The following KCNT2 variants were observed in gnomAD, a reference collection of about 807,000 sequenced individuals.
The protein encoded by KCNT2 is potassium sodium-activated channel subfamily T member 2, also known as potassium channel subfamily T member 2.
Under a neutral mutation model 153.8 loss-of-function variants are expected in KCNT2, and 67 were observed. The ratio of observed to expected loss-of-function variants is 0.44; its 90% CI spans 0.36 to 0.53. The LOEUF is 0.53. Ranked by LOEUF, KCNT2 falls within the 20% of genes least tolerant of loss-of-function variation. The pLI, the probability that KCNT2 is intolerant of heterozygous loss-of-function variation, is 0.00. For missense variants in KCNT2, 975 were observed against 1,354.8 expected, an observed-to-expected ratio of 0.72 and a Z score of 4.40; for synonymous variants, 500 against 458.8, an observed-to-expected ratio of 1.09 and a Z score of -1.15.
At chr1:196,356,191 A>G (rs1471967394) in intron 14 of KCNT2, among the ~76,000 whole-genome samples, 1 of 151,802 alleles carries the variant, frequency 6.6e-6, no homozygotes, top group Non-Finnish European at 1.5e-5. Flanking sequence ...AATTCTTACC[A>G]TAACTAAAAA....
chr1:196,448,385 T>G (rs1315129067), intron 8 of KCNT2, among the ~76,000 whole-genome samples: 1 of 151,558 alleles, frequency 6.6e-6, no homozygotes, highest in Non-Finnish European at 1.5e-5. Context: ...TATATAACAT[T>G]TCTGTATTAT....
At chr1:196,292,939 C>A (rs1351777767) in intron 22 of KCNT2, among the ~76,000 whole-genome samples, 8 of 150,656 alleles carry the variant, frequency 5.3e-5, no homozygotes, top group African/African-American at 2.0e-4. Context: ...ACAAATTCAG[C>A]AAAATCAACA....
intron 25 of KCNT2, among the ~76,000 whole-genome samples, chr1:196,272,285 T>C (rs985340057): frequency 4.0e-5 from 6 of 151,848 alleles, no homozygotes; most frequent in Admixed American, 2.0e-4. Flanking sequence ...CTACGGATTC[T>C]TTATCATGTG....
chr1:196,485,753 T>C (rs1316069177), intron 3 of KCNT2, among the ~76,000 whole-genome samples: 2 of 151,888 alleles, frequency 1.3e-5, no homozygotes, highest in Non-Finnish European at 2.9e-5. Flanking sequence ...GAAGGAAATG[T>C]ATATATTTTG....
chr1:196,435,140 T>C (rs541131625), intron 8 of KCNT2, among the ~76,000 whole-genome samples: 17 of 31,678 alleles, frequency 5.4e-4, no homozygotes, highest in Non-Finnish European at 9.7e-4. Flanking sequence ...TGTGTGTATG[T>C]ATATATATAT....
intron 25 of KCNT2, among the ~76,000 whole-genome samples, chr1:196,260,484 C>A (rs1216819407): frequency 4.6e-5 from 7 of 151,560 alleles, no homozygotes; most frequent in African/African-American, 7.3e-5. Context: ...ATTTTGAATA[C>A]CCCCAAGAGA....
intron 22 of KCNT2, among the ~76,000 whole-genome samples, chr1:196,291,829 A>G (rs1381061776): frequency 1.3e-5 from 2 of 152,156 alleles, no homozygotes; most frequent in African/African-American, 4.8e-5. Flanking sequence ...ACTGGCCAGA[A>G]TTTTTCACTT....
intron 13 of KCNT2, among the ~76,000 whole-genome samples, chr1:196,381,514 T>C (rs1669489997): frequency 6.6e-6 from 1 of 152,162 alleles, no homozygotes; most frequent in Non-Finnish European, 1.5e-5. Context: ...TATATTGTGT[T>C]AAGTAGTTTT....
intron 1 of KCNT2, among the ~76,000 whole-genome samples, chr1:196,591,201 G>C (rs996357239): frequency 6.6e-5 from 10 of 152,016 alleles, no homozygotes; most frequent in African/African-American, 2.4e-4. Context: ...CAAGAGAGTT[G>C]GTTGTTTAAA....
intron 1 of KCNT2, among the ~76,000 whole-genome samples, chr1:196,554,779 A>T (rs1360059239): frequency 3.3e-5 from 5 of 151,316 alleles, no homozygotes; most frequent in Middle Eastern, 3.2e-3. Context: ...TATTGAAAAG[A>T]TCATTTATCA....
Position 196,334,487 on chromosome 1 carries a change from CT to C in KCNT2, c.1784-428del, listed in dbSNP as rs533230418. 8.8e-4 allele frequency among the ~76,000 whole-genome samples: 77 copies of C among 87,244 alleles called. 3 individuals are homozygous for C. The highest frequency in any genetic ancestry group is 1.2e-3 in the Non-Finnish European group (55 of 45,114). 57.2% of individuals were successfully genotyped at this position (87,244 alleles called of 152,430 possible). ...TTTTCTTTTATTTCTTTCTTTCTTTCTTTTTTTTTTTTAAGACAGAGTCTCG... is the reference window on the plus strand; with the variant it reads ...TTTTCTTTTATTTCTTTCTTTCTTTCTTTTTTTTTTTAAGACAGAGTCTCG... On this transcript the variant is annotated intron_variant, in intron 16 of 27. Transcript: ENST00000294725.
chr1:196,407,510 T>C (rs1671927605), intron 12 of KCNT2, among the ~76,000 whole-genome samples: 1 of 151,394 alleles, frequency 6.6e-6, no homozygotes, highest in Admixed American at 6.6e-5. Context: ...AAGAGCTAAA[T>C]AAAATTGCAA....
At chr1:196,233,316 A>G (rs1259289550) in intron 27 of KCNT2, among the ~76,000 whole-genome samples, 1 of 151,412 alleles carries the variant, frequency 6.6e-6, no homozygotes, top group Admixed American at 6.6e-5. Context: ...AAGCAATATT[A>G]TACTTGATAG....
At chr1:196,277,696 G>C (rs1558092622) in intron 25 of KCNT2, among the ~76,000 whole-genome samples, 3 of 152,068 alleles carry the variant, frequency 2.0e-5, no homozygotes, top group Admixed American at 1.3e-4. Context: ...GTTCAAGTAA[G>C]AGAACAGGGC....
intron 4 of KCNT2, among the ~76,000 whole-genome samples, chr1:196,479,663 A>T (rs1678844188): frequency 6.6e-6 from 1 of 152,108 alleles, no homozygotes; most frequent in Admixed American, 6.6e-5. Context: ...CACCCTACTC[A>T]GCATTCCTAA....
At chr1:196,423,188 C>A in intron 11 of KCNT2, 75 bp from the exon 12 acceptor site, 1 of 961,184 alleles carries the variant, frequency 1.0e-6, no homozygotes, top group South Asian at 1.5e-5. Context: ...GAATTTCAGT[C>A]TTGAGTCCAT....
chr1:196,580,654 A>G (rs1187764491), intron 1 of KCNT2, among the ~76,000 whole-genome samples: 1 of 152,186 alleles, frequency 6.6e-6, no homozygotes, highest in Non-Finnish European at 1.5e-5. Flanking sequence ...CATACATGGT[A>G]TTGCTCTAAA....
chr1:196,375,769 A>G (rs1301402439), intron 13 of KCNT2, among the ~76,000 whole-genome samples: 1 of 151,746 alleles, frequency 6.6e-6, no homozygotes, highest in African/African-American at 2.4e-5. Flanking sequence ...AGAGTACTGG[A>G]TCAGAGAAAA....
rs548017872 is a variant in KCNT2, at chr1:196,540,774, A to G, written c.96-48433T>C. On this transcript the variant is annotated intron_variant, in intron 1 of 27. Transcript: ENST00000294725. ...TTCAGCTATGAAATAGAAATTAAAGATATCTATTTAGGCCAGGCGCTGTGG... is the reference window on the plus strand; with the variant it reads ...TTCAGCTATGAAATAGAAATTAAAGGTATCTATTTAGGCCAGGCGCTGTGG... 3.3e-5 allele frequency among the ~76,000 whole-genome samples: 5 copies of G among 152,306 alleles called. No individual in the cohort carries two copies. The South Asian group carries it at 8.3e-4, about 25-fold the overall frequency.
Sources: gnomAD v4.1 joint callset for allele counts (sites outside exome capture counted in the v4.1 genomes callset) on GRCh38, gnomAD v4.1.1 for gene constraint, MANE v1.5 for transcripts, NCBI Gene and HGNC (gene_info 2026-07-23, HGNC 2026-07-21) for gene names.